PDILT: variants seen among roughly 807,000 people sequenced by gnomAD.
PDILT encodes protein disulfide-isomerase-like protein of the testis.
PDILT carries 43 observed loss-of-function variants against 53.7 expected under a neutral mutation model. The ratio of observed to expected loss-of-function variants is 0.80; its 90% CI spans 0.63 to 1.03. The LOEUF (loss-of-function observed/expected upper bound fraction) is 1.03. PDILT is among the 50% of genes least tolerant of loss of function. The pLI, the probability that PDILT is intolerant of heterozygous loss-of-function variation, is 0.00. For missense variants in PDILT, 727 were observed against 712.3 expected (o/e 1.02, Z -0.24); for synonymous variants, 282 against 274.2 (o/e 1.03, Z -0.28).
chr16:20,367,265 G>A (rs1966226845), intron 8 of PDILT, among the ~76,000 whole-genome samples: 1 of 151,882 alleles, frequency 6.6e-6, no homozygotes, highest in African/African-American at 2.4e-5. Context: ...ACCACACCCG[G>A]CTAATGTTTT....
chr16:20,368,874 G>A (rs534473877), intron 8 of PDILT, among the ~76,000 whole-genome samples: 6 of 152,142 alleles, frequency 3.9e-5, no homozygotes, highest in South Asian at 4.1e-4. Flanking sequence ...ATGAACCACC[G>A]CACCTGGCCC....
intron 1 of PDILT, among the ~76,000 whole-genome samples, chr16:20,404,059 T>C (rs1966782513): frequency 6.6e-6 from 1 of 152,230 alleles, no homozygotes; most frequent in Admixed American, 6.5e-5. Flanking sequence ...GTTGTTGTTG[T>C]CATTTTGAAC....
intron 9 of PDILT, among the ~76,000 whole-genome samples, chr16:20,364,906 T>C (rs1345524916): frequency 6.6e-6 from 1 of 152,218 alleles, no homozygotes; most frequent in African/African-American, 2.4e-5. Flanking sequence ...AAAGAAATCC[T>C]GTACAGCAGT....
rs1341319599 is a variant in PDILT at position 20,372,849 on chromosome 16, T to C, written c.871A>G (p.Ile291Val). The C allele has an allele frequency of 1.9e-6, 3 of 1,613,948 alleles. No individual in the cohort carries two copies. Among genetic ancestry groups the C allele is most frequent in the African/African-American group, 2.7e-5 (2 of 74,910 alleles). ...FVSKSSESYG[I>V]IIQHYKLASK... ...GCCAGCTTATAATGCTGAATTATGA[T>C]ACCATATGACTCGGAGCTTTTGGAG... Residue 291 changes from isoleucine to valine, a missense_variant, in exon 7 of 12, where the codon ATC becomes GTC. Transcript: ENST00000302451.
At position 20,362,429 on chromosome 16, in the gene PDILT, C is replaced by G; in HGVS notation, c.1391G>C (p.Arg464Thr). Residue 464 changes from arginine (R) to threonine (T), a missense_variant, in exon 10 of 12, where the codon AGG (arginine) becomes ACG (threonine). Transcript: ENST00000302451. The part of the protein sequence containing the change: ...LMYLDRYPFF[R>T]LFPSGSQQAV... The stretch of plus-strand genomic sequence containing the variant: ...TTGTTGAGAGCCGCTGGGGAACAGC[C>G]TGAAGAATGGGTACCGGTCCAGGTA... 1 of 1,614,212 alleles carries G rather than the reference C, an allele frequency of 6.2e-7. No homozygotes were observed. Among genetic ancestry groups the G allele is most frequent in the Non-Finnish European group, 8.5e-7 (1 of 1,180,042 alleles).
At chr16:20,361,994 G>A (rs1470558541) in intron 10 of PDILT, among the ~76,000 whole-genome samples, 1 of 152,182 alleles carries the variant, frequency 6.6e-6, no homozygotes, top group Non-Finnish European at 1.5e-5. Flanking sequence ...AGGTGGAAAT[G>A]ACATTGTTTG....
At position 20,384,697 on chromosome 16, in the gene PDILT, CG is replaced by C. The variant is rs1966508226; in HGVS notation, c.356del (p.Pro119ArgfsTer3). ...LQQEFGITKAPELKLFFEGNR... is the reference protein window; with the variant it reads ...LQQEFGITKAXELKLFFEGNR... ...TGCCCTCAAAAAACAGCTTCAACTC[CG>C]GGGCCTTGGTAATCCCAAACTCCTG... On this transcript the variant is annotated frameshift_variant, in exon 3 of 12. Coordinates refer to ENST00000302451, the MANE Select transcript of PDILT (RefSeq NM_174924.2). LOFTEE classifies it high-confidence loss of function. The C allele has an allele frequency of 1.9e-6, 3 of 1,614,226 alleles. No homozygotes were observed. Among genetic ancestry groups the C allele is most frequent in the East Asian group, 4.5e-5 (2 of 44,884 alleles).
intron 2 of PDILT, among the ~76,000 whole-genome samples, chr16:20,397,735 G>T (rs894142371): frequency 6.6e-6 from 1 of 152,164 alleles, no homozygotes; most frequent in African/African-American, 2.4e-5. Context: ...TGGAGGGGCA[G>T]CTTGGGAAGC....
intron 1 of PDILT, among the ~76,000 whole-genome samples, chr16:20,400,331 T>TTGG (rs1966721683): frequency 6.6e-6 from 1 of 151,656 alleles, no homozygotes; most frequent in African/African-American, 2.4e-5. Context: ...TGCCTCAGCC[T>TTGG]CCTAAAGTGC....
rs911010991 is a variant in PDILT, at chr16:20,367,293, G to A, written c.1117-1753C>T. The stretch of plus-strand genomic sequence containing the variant: ...AATGTTTTGTATTTTTAGTAGAGAC[G>A]GGGTTTTACCATGTTGACCCTTGCT... On this transcript the variant is annotated intron_variant, in intron 8 of 11. Coordinates refer to ENST00000302451, the MANE Select transcript of PDILT (RefSeq NM_174924.2). Among the ~76,000 whole-genome samples the A allele has an allele frequency of 2.6e-5, 4 of 151,828 alleles. No homozygotes were observed. In the East Asian group the frequency reaches 5.8e-4, roughly 22 times the overall value.
At chr16:20,401,682 G>C (rs1216553670) in intron 1 of PDILT, among the ~76,000 whole-genome samples, 4 of 152,192 alleles carry the variant, frequency 2.6e-5, no homozygotes, top group African/African-American at 4.8e-5. Flanking sequence ...GAGGACACTG[G>C]GCCAGTGACC....
chr16:20,385,077 C>T (rs1966517251), intron 2 of PDILT, among the ~76,000 whole-genome samples: 2 of 152,244 alleles, frequency 1.3e-5, no homozygotes. Context: ...TTGGAAACAA[C>T]ACAACCATGG....
chr16:20,372,410 T>C (rs1254438901), intron 7 of PDILT, among the ~76,000 whole-genome samples: 1 of 152,204 alleles, frequency 6.6e-6, no homozygotes, highest in Non-Finnish European at 1.5e-5. Flanking sequence ...CAGGCTTTCA[T>C]AGTCCTTGAC....
chr16:20,386,557 G>A (rs1347064288), intron 2 of PDILT, among the ~76,000 whole-genome samples: 1 of 152,188 alleles, frequency 6.6e-6, no homozygotes, highest in Non-Finnish European at 1.5e-5. Context: ...CCCCGTTGCT[G>A]GTCAGCACGC....
chr16:20,378,796 T>C (rs1363768868), intron 3 of PDILT, among the ~76,000 whole-genome samples: 1 of 152,240 alleles, frequency 6.6e-6, no homozygotes, highest in Non-Finnish European at 1.5e-5. Context: ...TTCCTTTTTA[T>C]GGCTTTGTAG....
At chr16:20,373,314 A>G (rs1966334550) in intron 5 of PDILT, among the ~76,000 whole-genome samples, 192 bp from the exon 6 acceptor site, 1 of 152,216 alleles carries the variant, frequency 6.6e-6, no homozygotes, top group Non-Finnish European at 1.5e-5. Flanking sequence ...GAATCTGGGT[A>G]GGTGACAGCC....
chr16:20,371,013 C>T (rs551615977), intron 7 of PDILT, among the ~76,000 whole-genome samples: 3 of 152,294 alleles, frequency 2.0e-5, no homozygotes, highest in African/African-American at 4.8e-5. Flanking sequence ...CTATGGAGTA[C>T]CCATTCTTTT....
At chr16:20,361,996 C>T (rs1796103210) in intron 10 of PDILT, among the ~76,000 whole-genome samples, 1 of 152,186 alleles carries the variant, frequency 6.6e-6, no homozygotes, top group Non-Finnish European at 1.5e-5. Context: ...GTGGAAATGA[C>T]ATTGTTTGTC....
intron 8 of PDILT, among the ~76,000 whole-genome samples, 182 bp from the exon 9 acceptor site, chr16:20,365,722 G>A (rs374786558): frequency 6.6e-5 from 10 of 152,272 alleles, no homozygotes; most frequent in Admixed American, 1.3e-4. Flanking sequence ...GGTTCAGGGC[G>A]ATTTGGGGTC....
Sources: allele counts gnomAD v4.1 joint callset (sites outside exome capture counted in the v4.1 genomes callset), GRCh38; gene constraint gnomAD v4.1.1; transcripts MANE v1.5; gene names NCBI Gene and HGNC (gene_info 2026-07-23, HGNC 2026-07-21).